The following CNTNAP2 variants were observed in gnomAD, a reference collection of about 807,000 sequenced individuals.
CNTNAP2 encodes contactin associated protein 2, also known as contactin-associated protein-like 2.
A neutral mutation model predicts 155.2 loss-of-function variants in CNTNAP2; 98 were observed. The ratio of observed to expected loss-of-function variants is 0.63; its 90% CI spans 0.54 to 0.75. CNTNAP2 has a LOEUF of 0.75. Ranked by LOEUF, CNTNAP2 falls within the 30% of genes least tolerant of loss-of-function variation. The pLI, the probability that CNTNAP2 is intolerant of heterozygous loss-of-function variation, is 0.00. For synonymous variants in CNTNAP2, 651 were observed against 631.2 expected (o/e 1.03, Z -0.47); for missense variants, 1,727 against 1,688.1 (o/e 1.02, Z -0.40).
rs894850991 is a variant in CNTNAP2, at chr7:146,304,241, T to A, written c.97+187268T>A. Among the ~76,000 whole-genome samples, 58 of 152,058 alleles carry A rather than the reference T, an allele frequency of 3.8e-4. 1 individual carries two copies. The highest frequency in any genetic ancestry group is 6.2e-4 in the South Asian group (3 of 4,830). On this transcript the variant is annotated intron_variant, in intron 1 of 23. Transcript: ENST00000361727. The stretch of plus-strand genomic sequence containing the variant: ...TTTATCCAGTTTTCCAGTCTGCATC[T>A]TTTAATTGGAGCACTTAGGCAATTT...
intron 3 of CNTNAP2, among the ~76,000 whole-genome samples, chr7:146,870,799 G>A (rs1795289877): frequency 6.6e-6 from 1 of 151,986 alleles, no homozygotes; most frequent in South Asian, 2.1e-4. Context: ...TTAAAAATAA[G>A]CAATTAAATA....
At chr7:147,689,563 C>T (rs1161635241) in intron 13 of CNTNAP2, among the ~76,000 whole-genome samples, 1 of 152,142 alleles carries the variant, frequency 6.6e-6, no homozygotes, top group African/African-American at 2.4e-5. Context: ...TCTGTAGTGA[C>T]AGTTTTAAAA....
Position 148,409,848 on chromosome 7 carries a change from G to A in CNTNAP2, c.3796+377G>A, listed in dbSNP as rs1419661236. Among the ~76,000 whole-genome samples the A allele has an allele frequency of 1.4e-4, 10 of 73,328 alleles. 3 individuals are homozygous for A. The highest frequency in any genetic ancestry group is 5.8e-4 in the East Asian group (2 of 3,474). 48.1% of individuals were successfully genotyped at this position (73,328 alleles called of 152,430 possible). A position where few individuals can be genotyped will look rare whatever the true frequency, so the allele number is the denominator to read the frequency against. ...GGGCGGATCACAAGGTCAGGAGATC[G>A]AGACCATCTTGGCTAACACGGTGAA... On this transcript the variant is annotated intron_variant, in intron 23 of 23. Transcript: ENST00000361727.
intron 19 of CNTNAP2, among the ~76,000 whole-genome samples, chr7:148,223,028 C>T (rs1465011928): frequency 3.3e-5 from 5 of 152,214 alleles, no homozygotes; most frequent in Non-Finnish European, 7.3e-5. Context: ...CCCAGGTCCA[C>T]GGATTCAATC....
intron 19 of CNTNAP2, among the ~76,000 whole-genome samples, chr7:148,218,206 A>C (rs953430548): frequency 7.9e-5 from 12 of 152,378 alleles, no homozygotes; most frequent in African/African-American, 2.9e-4. Context: ...ATGGGCTTTG[A>C]ATGAGTAAAA....
At position 147,334,269 on chromosome 7, in the gene CNTNAP2, T is replaced by C. The variant is rs113861856; in HGVS notation, c.1498+33979T>C. 4.3e-3 allele frequency among the ~76,000 whole-genome samples: 654 copies of C among 152,332 alleles called. 6 individuals are homozygous for C. The highest frequency in any genetic ancestry group is 0.015 in the African/African-American group (627 of 41,582). ...GCTCTGATTTCCTTAACTTCACAAA[T>C]ATGCAAATACCAAATAAAACCCCAA... On this transcript the variant is annotated intron_variant, in intron 9 of 23. Coordinates refer to ENST00000361727, the MANE Select transcript of CNTNAP2 (RefSeq NM_014141.6).
intron 13 of CNTNAP2, among the ~76,000 whole-genome samples, chr7:147,742,358 T>C (rs2116488726): frequency 6.6e-6 from 1 of 152,364 alleles, no homozygotes; most frequent in South Asian, 2.1e-4. Context: ...TGTCTTTTAT[T>C]ATAATAGCCA....
intron 13 of CNTNAP2, among the ~76,000 whole-genome samples, chr7:147,902,433 T>G (rs1563129388): frequency 6.6e-6 from 1 of 152,234 alleles, no homozygotes; most frequent in Admixed American, 6.5e-5. Flanking sequence ...TGTAGGTTTT[T>G]GGGTAACAGG....
At chr7:147,802,517 C>T (rs1422472393) in intron 13 of CNTNAP2, among the ~76,000 whole-genome samples, 4 of 152,212 alleles carry the variant, frequency 2.6e-5, no homozygotes, top group African/African-American at 9.6e-5. Context: ...ACTCCGTCTG[C>T]AATCCTGGCA....
At position 146,350,228 on chromosome 7, in the gene CNTNAP2, A is replaced by C. The variant is rs530928232; in HGVS notation, c.97+233255A>C. On this transcript the variant is annotated intron_variant, in intron 1 of 23. Transcript: ENST00000361727. ...CTTCATTTCATTCATTTCGTCTTCC[A>C]TCACTGATACCCTTTCTTCCAGTTG... 2.8e-3 allele frequency among the ~76,000 whole-genome samples: 421 copies of C among 152,216 alleles called. 2 individuals are homozygous for C. The highest frequency in any genetic ancestry group is 9.2e-3 in the African/African-American group (382 of 41,522).
chr7:148,243,729 T>C (rs1796201124), intron 20 of CNTNAP2, among the ~76,000 whole-genome samples: 1 of 151,394 alleles, frequency 6.6e-6, no homozygotes, highest in Non-Finnish European at 1.5e-5. Flanking sequence ...AAATGAGATT[T>C]GGGTAGAGAC....
In CNTNAP2 at chr7:146,811,779, G is replaced by A. The variant is rs530363154; in HGVS notation, c.209-27932G>A. 3.4e-4 allele frequency among the ~76,000 whole-genome samples: 52 copies of A among 152,230 alleles called. 1 individual carries two copies. Among genetic ancestry groups the A allele is most frequent in the Non-Finnish European group, 6.6e-4 (45 of 68,018 alleles). ...AGTGGGAGGTAATTCAATTTTGGGG[G>A]TGGTTACTCCCATGCTGCTGTTCTC... On this transcript the variant is annotated intron_variant, in intron 2 of 23. Transcript: ENST00000361727.
chr7:147,521,959 T>C (rs1360054774), intron 11 of CNTNAP2, among the ~76,000 whole-genome samples: 6 of 152,222 alleles, frequency 3.9e-5, no homozygotes, highest in African/African-American at 1.4e-4. Flanking sequence ...ATAAACTGCA[T>C]GGCTTATAAA....
chr7:147,761,948 G>A (rs1797308457), intron 13 of CNTNAP2, among the ~76,000 whole-genome samples: 1 of 152,030 alleles, frequency 6.6e-6, no homozygotes, highest in African/African-American at 2.4e-5. Flanking sequence ...GCATGTTAAT[G>A]CAAAAGTCAG....
chr7:147,659,810 C>G (rs188385745), intron 13 of CNTNAP2, among the ~76,000 whole-genome samples: 1 of 152,170 alleles, frequency 6.6e-6, no homozygotes, highest in African/African-American at 2.4e-5. Flanking sequence ...AAACATCACT[C>G]GATGCTGTAT....
intron 11 of CNTNAP2, among the ~76,000 whole-genome samples, chr7:147,489,864 C>T (rs1486472473): frequency 1.3e-5 from 2 of 152,190 alleles, no homozygotes; most frequent in South Asian, 2.1e-4. Context: ...ATCTGCCCGC[C>T]TTGGCCTCCC....
intron 21 of CNTNAP2, among the ~76,000 whole-genome samples, chr7:148,270,250 A>G (rs921349931): frequency 6.6e-6 from 1 of 152,258 alleles, no homozygotes; most frequent in African/African-American, 2.4e-5. Context: ...CTAAAAGTGT[A>G]CCATGAGCCT....
chr7:146,284,990 A>G (rs1335071322), intron 1 of CNTNAP2, among the ~76,000 whole-genome samples: 1 of 152,184 alleles, frequency 6.6e-6, no homozygotes, highest in Non-Finnish European at 1.5e-5. Flanking sequence ...AATGATGTTC[A>G]CCCAATTTTT....
chr7:147,352,186 T>G (rs1230345356), intron 9 of CNTNAP2, among the ~76,000 whole-genome samples: 3 of 151,972 alleles, frequency 2.0e-5, no homozygotes, highest in Non-Finnish European at 4.4e-5. Flanking sequence ...TGTATATAAT[T>G]TATAACATAA....
Sources: allele counts gnomAD v4.1 joint callset (sites outside exome capture counted in the v4.1 genomes callset), GRCh38; gene constraint gnomAD v4.1.1; transcripts MANE v1.5; gene names NCBI Gene and HGNC (gene_info 2026-07-23, HGNC 2026-07-21).